GHR: variants seen among roughly 807,000 people sequenced by gnomAD.
GHR encodes growth hormone receptor, also known as GH receptor.
A neutral mutation model predicts 67.1 loss-of-function variants in GHR; 35 were observed. The ratio of observed to expected loss-of-function variants is 0.52; its 90% confidence interval spans 0.40 to 0.69. GHR has a LOEUF of 0.69. GHR is among the 30% of genes least tolerant of loss of function. GHR has a pLI of 0.00. For synonymous variants in GHR, 272 were observed against 269.1 expected, an observed-to-expected ratio of 1.01 and a Z score of -0.10; for missense variants, 792 against 764.6, an observed-to-expected ratio of 1.04 and a Z score of -0.42.
At chr5:42,713,003 G>C (rs970862927) in intron 7 of GHR, among the ~76,000 whole-genome samples, 2 of 151,236 alleles carry the variant, frequency 1.3e-5, no homozygotes, top group Non-Finnish European at 2.9e-5. Flanking sequence ...CTTCAATCTG[G>C]AAACTAAGAA....
intron 1 of GHR, among the ~76,000 whole-genome samples, chr5:42,444,063 T>C (rs1743707623): frequency 2.0e-5 from 3 of 152,086 alleles, no homozygotes; most frequent in Admixed American, 2.0e-4. Flanking sequence ...AATGGTTATA[T>C]AATTAAACAT....
intron 6 of GHR, among the ~76,000 whole-genome samples, chr5:42,701,150 ATAT>A (rs1454055804): frequency 6.6e-6 from 1 of 152,156 alleles, no homozygotes; most frequent in Non-Finnish European, 1.5e-5. Context: ...ATACACTAAA[ATAT>A]TATTTTATTA....
In GHR at chr5:42,662,746, A is replaced by T. The variant is rs560577895; in HGVS notation, c.137-26144A>T. On this transcript the variant is annotated intron_variant, in intron 3 of 9. Transcript: ENST00000230882. ...CAAAAGCTAGGAGAAGGCAAGAAATAACTAAGATCAGAGCAGAACTGAAGG... is the reference window on the plus strand; with the variant it reads ...CAAAAGCTAGGAGAAGGCAAGAAATTACTAAGATCAGAGCAGAACTGAAGG... Among the ~76,000 whole-genome samples, 6 of 152,324 alleles carry T rather than the reference A, an allele frequency of 3.9e-5. No individual in the cohort carries two copies. In the South Asian group the frequency reaches 8.3e-4, roughly 21 times the overall value.
At chr5:42,457,800 T>A (rs2112030375) in intron 1 of GHR, among the ~76,000 whole-genome samples, 1 of 152,322 alleles carries the variant, frequency 6.6e-6, no homozygotes, top group African/African-American at 2.4e-5. Context: ...AAATCTTGAC[T>A]TTATCCTAGC....
chr5:42,575,622 CTA>C (rs1379694229), intron 2 of GHR, among the ~76,000 whole-genome samples: 4 of 151,632 alleles, frequency 2.6e-5, no homozygotes, highest in Admixed American at 6.6e-5. Context: ...TTTCTACACA[CTA>C]TCAGTTGTCC....
intron 6 of GHR, among the ~76,000 whole-genome samples, chr5:42,707,442 G>A (rs1281271119): frequency 1.3e-5 from 2 of 151,792 alleles, no homozygotes; most frequent in African/African-American, 4.8e-5. Context: ...CAATTGGGCT[G>A]TTTTTTGCTT....
At chr5:42,605,623 G>T (rs1298380751) in intron 2 of GHR, among the ~76,000 whole-genome samples, 1 of 152,204 alleles carries the variant, frequency 6.6e-6, no homozygotes, top group Non-Finnish European at 1.5e-5. Flanking sequence ...TCACTCTGCA[G>T]TCCAGATAGA....
chr5:42,703,535 T>G (rs1758032330), intron 6 of GHR, among the ~76,000 whole-genome samples: 1 of 152,084 alleles, frequency 6.6e-6, no homozygotes, highest in Admixed American at 6.6e-5. Flanking sequence ...CTATTCATAG[T>G]CTATTGCAGT....
intron 6 of GHR, among the ~76,000 whole-genome samples, chr5:42,707,764 A>C (rs1051309022): frequency 6.6e-6 from 1 of 150,904 alleles, no homozygotes; most frequent in Admixed American, 6.6e-5. Flanking sequence ...TGCATAAAAA[A>C]CTCTACACTT....
At chr5:42,489,813 A>T (rs1190684895) in intron 1 of GHR, among the ~76,000 whole-genome samples, 4 of 152,208 alleles carry the variant, frequency 2.6e-5, no homozygotes, top group African/African-American at 4.8e-5. Flanking sequence ...AAGACTTTTT[A>T]AAAAAGGTAA....
At chr5:42,696,570 A>G (rs1239822945) in intron 5 of GHR, among the ~76,000 whole-genome samples, 2 of 152,192 alleles carry the variant, frequency 1.3e-5, no homozygotes, top group African/African-American at 4.8e-5. Context: ...GTAGTTACTT[A>G]GTAATTACAA....
At chr5:42,575,488 A>G (rs1750606669) in intron 2 of GHR, among the ~76,000 whole-genome samples, 1 of 152,140 alleles carries the variant, frequency 6.6e-6, no homozygotes. Flanking sequence ...CAAGGATACA[A>G]TATCAAGTAG....
At chr5:42,518,151 T>G (rs1048682007) in intron 1 of GHR, among the ~76,000 whole-genome samples, 2 of 148,736 alleles carry the variant, frequency 1.3e-5, no homozygotes, top group Non-Finnish European at 3.0e-5. Context: ...TATATATTAT[T>G]ATATAATATA....
At chr5:42,578,816 T>C (rs1185937364) in intron 2 of GHR, among the ~76,000 whole-genome samples, 1 of 151,694 alleles carries the variant, frequency 6.6e-6, no homozygotes, top group Non-Finnish European at 1.5e-5. Flanking sequence ...TAATTCCCCT[T>C]TTTCATACCT....
chr5:42,459,019 T>G (rs1744377363), intron 1 of GHR, among the ~76,000 whole-genome samples: 1 of 152,146 alleles, frequency 6.6e-6, no homozygotes, highest in Admixed American at 6.5e-5. Flanking sequence ...AAGGGAATGC[T>G]TATACACTGA....
At chr5:42,434,168 A>C (rs1743222460) in intron 1 of GHR, among the ~76,000 whole-genome samples, 1 of 152,068 alleles carries the variant, frequency 6.6e-6, no homozygotes, top group Non-Finnish European at 1.5e-5. Context: ...AGCTGACCTG[A>C]GATTACCTCC....
At chr5:42,470,269 C>A (rs1039573547) in intron 1 of GHR, among the ~76,000 whole-genome samples, 50 of 145,468 alleles carry the variant, frequency 3.4e-4, no homozygotes, top group African/African-American at 1.2e-3. Flanking sequence ...TATATATTAT[C>A]TATATAGTAA....
At chr5:42,516,863 T>C (rs1194033883) in intron 1 of GHR, among the ~76,000 whole-genome samples, 1 of 152,178 alleles carries the variant, frequency 6.6e-6, no homozygotes, top group East Asian at 1.9e-4. Context: ...TGTCAAAAGA[T>C]TTTTTATGGA....
At chr5:42,626,950 G>A (rs1753733268) in intron 2 of GHR, among the ~76,000 whole-genome samples, 1 of 151,992 alleles carries the variant, frequency 6.6e-6, no homozygotes, top group Admixed American at 6.6e-5. Flanking sequence ...TTTCTAGCTG[G>A]GATGCTTACA....
Sources: allele counts gnomAD v4.1 joint callset (sites outside exome capture counted in the v4.1 genomes callset), GRCh38; gene constraint gnomAD v4.1.1; transcripts MANE v1.5; gene names NCBI Gene and HGNC (gene_info 2026-07-23, HGNC 2026-07-21).